The following PLXNA4 variants were observed in gnomAD, a reference collection of about 807,000 sequenced individuals.
PLXNA4 encodes the protein plexin A4, also known as plexin-A4.
Under a neutral mutation model 191.8 loss-of-function variants are expected in PLXNA4, and 44 were observed. The ratio of observed to expected loss-of-function variants is 0.23; its 90% CI spans 0.18 to 0.29. The LOEUF is 0.29. Among genes scored for constraint, PLXNA4 ranks in the 10% least tolerant of loss-of-function variants. The pLI is 1.00. For missense variants in PLXNA4, 1,800 were observed against 2,488.8 expected, an observed-to-expected ratio of 0.72 and a Z score of 5.89; for synonymous variants, 1,082 against 1,009.5, an observed-to-expected ratio of 1.07 and a Z score of -1.36.
chr7:132,422,601 T>C (rs1172944142), intron 3 of PLXNA4, among the ~76,000 whole-genome samples: 1 of 152,228 alleles, frequency 6.6e-6, no homozygotes, highest in African/African-American at 2.4e-5. Context: ...ATGGCCTGGC[T>C]CTCGGTCCCC....
chr7:132,544,321 C>T (rs1800203726), intron 1 of PLXNA4, among the ~76,000 whole-genome samples: 1 of 152,206 alleles, frequency 6.6e-6, no homozygotes, highest in Admixed American at 6.5e-5. Flanking sequence ...GGTGTCACTA[C>T]AATCAGGCAG....
At chr7:132,376,050 C>G (rs1347392038) in intron 3 of PLXNA4, among the ~76,000 whole-genome samples, 1 of 152,160 alleles carries the variant, frequency 6.6e-6, no homozygotes, top group Non-Finnish European at 1.5e-5. Context: ...CTCAGCTTCC[C>G]CATCTGCAAA....
chr7:132,584,879 G>A (rs144229254), intron 2 of PLXNA4, among the ~76,000 whole-genome samples: 9 of 152,076 alleles, frequency 5.9e-5, no homozygotes, highest in African/African-American at 1.7e-4. Context: ...TTGTCACACC[G>A]CCAGTCCTCT....
chr7:132,316,766 C>T lies in PLXNA4; in HGVS notation c.1372-18544G>A, dbSNP rs538851002. Among the ~76,000 whole-genome samples the T allele has an allele frequency of 3.3e-4, 51 of 152,322 alleles. 2 individuals carry two copies. In the South Asian group the frequency reaches 0.011, roughly 32 times the overall value. ...TGTTGTTCTTACCATGCTATCTTGGCACCCACTTCTTTTTAAATAAGGGAC... is the reference window on the plus strand; with the variant it reads ...TGTTGTTCTTACCATGCTATCTTGGTACCCACTTCTTTTTAAATAAGGGAC... On this transcript the variant is annotated intron_variant, in intron 3 of 31. Transcript: ENST00000321063.
intron 3 of PLXNA4, among the ~76,000 whole-genome samples, chr7:132,436,822 C>T (rs925176520): frequency 6.7e-6 from 1 of 150,128 alleles, no homozygotes. Flanking sequence ...CCAGCCACTC[C>T]CTCAAGCTGG....
At chr7:132,185,743 G>A (rs1404844439) in intron 15 of PLXNA4, among the ~76,000 whole-genome samples, 1 of 152,180 alleles carries the variant, frequency 6.6e-6, no homozygotes, top group African/African-American at 2.4e-5. Context: ...GTCTATTTGG[G>A]GAGAACCCTC....
Position 132,568,520 on chromosome 7 carries a change from C to T in PLXNA4, c.-87+7902G>A, listed in dbSNP as rs146274506. The stretch of plus-strand genomic sequence containing the variant: ...GTTCTTTGCATGGAAACCATTATCC[C>T]AGACTCCCAATTTATGTATCTGCCC... On this transcript the variant is annotated intron_variant, in intron 1 of 31. Transcript: ENST00000321063. 3.6e-3 allele frequency among the ~76,000 whole-genome samples: 548 copies of T among 152,300 alleles called. 1 individual carries two copies. Among genetic ancestry groups the T allele is most frequent in the Middle Eastern group, 0.027 (8 of 294 alleles).
At chr7:132,187,117 T>C (rs2116775064) in intron 15 of PLXNA4, among the ~76,000 whole-genome samples, 1 of 152,092 alleles carries the variant, frequency 6.6e-6, no homozygotes, top group African/African-American at 2.4e-5. Context: ...GAAAAACCTA[T>C]TTCAACTTTA....
At chr7:132,250,225 C>G (rs1288610005) in intron 4 of PLXNA4, among the ~76,000 whole-genome samples, 1 of 152,198 alleles carries the variant, frequency 6.6e-6, no homozygotes, top group Non-Finnish European at 1.5e-5. Context: ...AATGGCAACT[C>G]TGTTGTTCCA....
chr7:132,266,338 G>A (rs966140016), intron 4 of PLXNA4: 19 of 152,100 alleles, frequency 1.2e-4, no homozygotes, highest in Admixed American at 5.2e-4. Context: ...GAAAGTTCCT[G>A]GTGTCTTTTG....
At chr7:132,259,652 CACCAAATGAG>C (rs1220573125) in intron 4 of PLXNA4, among the ~76,000 whole-genome samples, 1 of 151,934 alleles carries the variant, frequency 6.6e-6, no homozygotes, top group African/African-American at 2.4e-5. Context: ...ATCCACTACC[CACCAAATGAG>C]ACCTGCACAC....
chr7:132,416,335 T>C (rs898525289), intron 3 of PLXNA4, among the ~76,000 whole-genome samples: 1 of 152,196 alleles, frequency 6.6e-6, no homozygotes, highest in Admixed American at 6.5e-5. Context: ...TATTAACAAG[T>C]GAGACTTCAA....
chr7:132,219,622 G>T (rs1002617996), intron 9 of PLXNA4, among the ~76,000 whole-genome samples: 1 of 152,072 alleles, frequency 6.6e-6, no homozygotes, highest in African/African-American at 2.4e-5. Context: ...ATAGGTGTCT[G>T]GGGGCTTCCA....
At chr7:132,147,854 T>C (rs1214725819) in intron 27 of PLXNA4, 46 bp downstream of exon 27, 1 of 1,612,768 alleles carries the variant, frequency 6.2e-7, no homozygotes, top group African/African-American at 1.3e-5. Context: ...TGACAACAGC[T>C]GCTCAGGACA....
At chr7:132,163,874 G>T (rs1369604827) in intron 24 of PLXNA4, among the ~76,000 whole-genome samples, 4 of 152,208 alleles carry the variant, frequency 2.6e-5, no homozygotes, top group Non-Finnish European at 5.9e-5. Context: ...CCCTATAACT[G>T]GTGTGGTCAG....
chr7:132,613,362 C>T (rs559323846), intron 2 of PLXNA4, among the ~76,000 whole-genome samples: 13 of 152,336 alleles, frequency 8.5e-5, no homozygotes, highest in South Asian at 2.1e-4. Flanking sequence ...CCCTCCCCCC[C>T]GACATCTCCT....
At position 132,243,326 on chromosome 7, in the gene PLXNA4, T is replaced by C. The variant is rs978638501; in HGVS notation, c.1504-2160A>G. ...AAACAGAAAATCATGCCTTGCTCAATCAAAAGCATTTTCTCGCTCTAAACT... is the reference window on the plus strand; with the variant it reads ...AAACAGAAAATCATGCCTTGCTCAACCAAAAGCATTTTCTCGCTCTAAACT... On this transcript the variant is annotated intron_variant, in intron 4 of 31. Transcript: ENST00000321063. 2.6e-5 allele frequency among the ~76,000 whole-genome samples: 4 copies of C among 152,204 alleles called. No homozygotes were observed. In the East Asian group the frequency reaches 5.8e-4, roughly 22 times the overall value.
At chr7:132,309,022 G>A (rs1801628411) in intron 3 of PLXNA4, among the ~76,000 whole-genome samples, 1 of 152,152 alleles carries the variant, frequency 6.6e-6, no homozygotes, top group Admixed American at 6.5e-5. Context: ...GCTCTGGGCT[G>A]TCTGAAGACA....
At chr7:132,620,806 T>G (rs528709134) in intron 2 of PLXNA4, among the ~76,000 whole-genome samples, 8 of 152,230 alleles carry the variant, frequency 5.3e-5, no homozygotes, top group Non-Finnish European at 1.0e-4. Context: ...TCTTAGTCGT[T>G]CGGGCTGCTA....
Sources: allele counts gnomAD v4.1 joint callset (sites outside exome capture counted in the v4.1 genomes callset), GRCh38; gene constraint gnomAD v4.1.1; transcripts MANE v1.5; gene names NCBI Gene and HGNC (gene_info 2026-07-23, HGNC 2026-07-21).